SMPD3: variants seen among roughly 807,000 people sequenced by gnomAD.
SMPD3 encodes the protein sphingomyelin phosphodiesterase 3.
A neutral mutation model predicts 55.7 loss-of-function variants in SMPD3; 21 were observed. That is an observed-to-expected ratio of 0.38 (90% CI 0.27 to 0.54). SMPD3 has a LOEUF of 0.54. Among genes scored for constraint, SMPD3 ranks in the 20% least tolerant of loss-of-function variants. The pLI, the probability that SMPD3 is intolerant of heterozygous loss-of-function variation, is 0.80. For missense variants in SMPD3, 842 were observed against 899.6 expected (o/e 0.94, Z 0.82); for synonymous variants, 457 against 404.3 (o/e 1.13, Z -1.56).
rs574201926 is a variant in SMPD3 at position 68,367,256 on chromosome 16, G to C, written c.1324-2164C>G. 6 of 152,568 alleles carry C rather than the reference G, an allele frequency of 3.9e-5. No individual in the cohort carries two copies. In the East Asian group the frequency reaches 1.2e-3, roughly 29 times the overall value. The allele number at this position is 152,568 out of a possible 1,614,324, so 9.5% of individuals were successfully genotyped here. On this transcript the variant is annotated intron_variant, in intron 3 of 8. Coordinates refer to ENST00000219334, the MANE Select transcript of SMPD3 (RefSeq NM_018667.4). ...GGATCATCTCAGGCCCAGTGGGCTCGTGCTGGGGTGGGGTGGCGACGCATG... is the reference window on the plus strand; with the variant it reads ...GGATCATCTCAGGCCCAGTGGGCTCCTGCTGGGGTGGGGTGGCGACGCATG...
chr16:68,425,787 C>T (rs989477379), intron 1 of SMPD3, among the ~76,000 whole-genome samples: 2 of 152,144 alleles, frequency 1.3e-5, no homozygotes, highest in Non-Finnish European at 2.9e-5. Flanking sequence ...TGGTGGGGAT[C>T]TGGAGAACAA....
At chr16:68,385,051 C>T (rs776862428) in intron 2 of SMPD3, among the ~76,000 whole-genome samples, 48 of 152,130 alleles carry the variant, frequency 3.2e-4, no homozygotes, top group Non-Finnish European at 6.0e-4. Flanking sequence ...AAGTAACAGC[C>T]GCCTCTTGGG....
chr16:68,416,100 G>A (rs1331264699), intron 1 of SMPD3, among the ~76,000 whole-genome samples: 1 of 152,234 alleles, frequency 6.6e-6, no homozygotes, highest in Non-Finnish European at 1.5e-5. Flanking sequence ...GGATGGAACT[G>A]TGGATTCTGC....
chr16:68,370,828 G>A (rs556313602), intron 3 of SMPD3, 31 bp downstream of exon 3: 51 of 1,610,084 alleles, frequency 3.2e-5, no homozygotes, highest in Non-Finnish European at 3.4e-5. Context: ...CAGCTGGCAC[G>A]TGGTCCTCAG....
intron 1 of SMPD3, among the ~76,000 whole-genome samples, chr16:68,394,637 A>G (rs1338638385): frequency 6.6e-6 from 1 of 152,252 alleles, no homozygotes; most frequent in Non-Finnish European, 1.5e-5. Context: ...AGTTTAGTGC[A>G]GCAGGATTCA....
chr16:68,380,518 G>T (rs534774403), intron 2 of SMPD3, among the ~76,000 whole-genome samples: 1 of 152,344 alleles, frequency 6.6e-6, no homozygotes, highest in East Asian at 1.9e-4. Context: ...CCAAAGCAAG[G>T]GATCCTGGAA....
At chr16:68,407,776 A>G (rs1355366906) in intron 1 of SMPD3, among the ~76,000 whole-genome samples, 1 of 152,358 alleles carries the variant, frequency 6.6e-6, no homozygotes, top group East Asian at 1.9e-4. Flanking sequence ...CTGGTGTGCG[A>G]ACTCTTAACT....
chr16:68,441,656 C>T (rs1020993448), intron 1 of SMPD3, among the ~76,000 whole-genome samples: 1 of 152,068 alleles, frequency 6.6e-6, no homozygotes, highest in Non-Finnish European at 1.5e-5. Context: ...TGCCACTAGA[C>T]ATATTTCAAG....
chr16:68,373,639 C>A (rs2089733308), intron 2 of SMPD3, among the ~76,000 whole-genome samples: 3 of 152,182 alleles, frequency 2.0e-5, no homozygotes, highest in Non-Finnish European at 4.4e-5. Flanking sequence ...CAGTCCCCAT[C>A]AGTCCCTGCC....
chr16:68,364,241 A>G (rs1283884243), intron 5 of SMPD3, among the ~76,000 whole-genome samples: 1 of 152,048 alleles, frequency 6.6e-6, no homozygotes, highest in Non-Finnish European at 1.5e-5. Flanking sequence ...GTAGTCTTTC[A>G]CCCTAATGGT....
intron 1 of SMPD3, among the ~76,000 whole-genome samples, chr16:68,392,383 A>G (rs999383543): frequency 2.0e-5 from 3 of 152,220 alleles, no homozygotes; most frequent in African/African-American, 7.2e-5. Context: ...TGTTTAATGT[A>G]GGCTAGGTTA....
Position 68,404,448 on chromosome 16 carries a change from C to T in SMPD3, c.-268-17789G>A, listed in dbSNP as rs1291548741. Among the ~76,000 whole-genome samples, 1 of 152,130 alleles carries T rather than the reference C, an allele frequency of 6.6e-6. No homozygotes were observed. The highest frequency in any genetic ancestry group is 6.5e-5 in the Admixed American group (1 of 15,284). ...CCTGAACTCCTGGGCTCAAGGGATT[C>T]GCTTGCCTTGGCCTCCCAGGCATGA... On this transcript the variant is annotated intron_variant, in intron 1 of 8. Transcript: ENST00000219334. This position sits in a 1 kb window ranked among gnomAD's most constrained non-coding sequence, Gnocchi z 4.0.
intron 1 of SMPD3, among the ~76,000 whole-genome samples, chr16:68,390,273 T>G (rs1597638302): frequency 6.6e-6 from 1 of 152,162 alleles, no homozygotes; most frequent in Non-Finnish European, 1.5e-5. Context: ...TTTTGGCAGG[T>G]TTTGGCTAGC....
At chr16:68,422,568 A>T (rs950214116) in intron 1 of SMPD3, among the ~76,000 whole-genome samples, 1 of 152,210 alleles carries the variant, frequency 6.6e-6, no homozygotes, top group Non-Finnish European at 1.5e-5. Flanking sequence ...GCCTCCAGTC[A>T]GGTGAGAACT....
intron 1 of SMPD3, among the ~76,000 whole-genome samples, chr16:68,436,980 C>A (rs2090527305): frequency 6.6e-6 from 1 of 152,200 alleles, no homozygotes; most frequent in Admixed American, 6.5e-5. Context: ...TTATAAGATC[C>A]CGACTTGCCT....
chr16:68,371,001 C>A lies in SMPD3; in HGVS notation c.1181G>T (p.Cys394Phe), dbSNP rs1293083894. The change falls in exon 3 of 9, where the codon TGC becomes TTC. Residue 394 changes from cysteine (C) to phenylalanine (F), a missense_variant. Cys to Phe is a radical substitution (Grantham distance 205). Coordinates refer to ENST00000219334, the MANE Select transcript of SMPD3 (RefSeq NM_018667.4). ...YILYDVGVYG[C>F]QGCCSFKCLN... ...ACACTTGAAGCTGCAGCAGCCCTGG[C>A]AGCCGTAGACCCCGACGTCGTACAG... 1 of 1,614,020 alleles carries A rather than the reference C, an allele frequency of 6.2e-7. No individual in the cohort carries two copies. The highest frequency in any genetic ancestry group is 2.2e-5 in the East Asian group (1 of 44,894).
At chr16:68,430,650 C>A (rs1449112762) in intron 1 of SMPD3, among the ~76,000 whole-genome samples, 2 of 152,204 alleles carry the variant, frequency 1.3e-5, no homozygotes, top group Non-Finnish European at 2.9e-5. Context: ...TGCCCCATCA[C>A]CCCACTGTTC....
chr16:68,440,442 C>G (rs1248616942), intron 1 of SMPD3, among the ~76,000 whole-genome samples: 1 of 152,178 alleles, frequency 6.6e-6, no homozygotes, highest in Admixed American at 6.5e-5. Context: ...CTAAATAAAT[C>G]CACTCGCCTC....
intron 1 of SMPD3, among the ~76,000 whole-genome samples, chr16:68,437,841 A>G (rs2090535662): frequency 6.6e-6 from 1 of 152,180 alleles, no homozygotes; most frequent in Non-Finnish European, 1.5e-5. Flanking sequence ...ATTAGAAAAG[A>G]CATTTTCCTT....
Sources: gnomAD v4.1 joint callset for allele counts (sites outside exome capture counted in the v4.1 genomes callset) on GRCh38, gnomAD v4.1.1 for gene constraint, Gnocchi (gnomAD v3.1) non-coding constraint, MANE v1.5 for transcripts, NCBI Gene and HGNC (gene_info 2026-07-23, HGNC 2026-07-21) for gene names.